The following ADCY2 variants were observed in gnomAD, a reference collection of about 807,000 sequenced individuals.
ADCY2 encodes the protein adenylate cyclase type 2.
ADCY2 carries 31 observed loss-of-function variants against 125.2 expected under a neutral mutation model. The ratio of observed to expected loss-of-function variants is 0.25; its 90% CI spans 0.19 to 0.33. The LOEUF (loss-of-function observed/expected upper bound fraction) is 0.33. ADCY2 is among the 10% of genes least tolerant of loss of function. ADCY2 has a pLI of 1.00. For missense variants in ADCY2, 904 were observed against 1,418.2 expected, an observed-to-expected ratio of 0.64 and a Z score of 5.82; for synonymous variants, 512 against 548.4, an observed-to-expected ratio of 0.93 and a Z score of 0.93.
chr5:7,747,756 C>G (rs900917142), intron 15 of ADCY2, among the ~76,000 whole-genome samples: 29 of 152,194 alleles, frequency 1.9e-4, no homozygotes, highest in Non-Finnish European at 5.9e-5. Flanking sequence ...TCCCATTTTG[C>G]GTTATTACTT....
At chr5:7,703,812 G>C (rs1007073406) in intron 7 of ADCY2, among the ~76,000 whole-genome samples, 4 of 151,808 alleles carry the variant, frequency 2.6e-5, no homozygotes, top group Non-Finnish European at 5.9e-5. Context: ...AAATTACCTT[G>C]GACAGTATGT....
intron 2 of ADCY2, among the ~76,000 whole-genome samples, chr5:7,517,636 G>A (rs140501719): frequency 1.3e-3 from 195 of 152,188 alleles, no homozygotes; most frequent in East Asian, 0.01. Flanking sequence ...TGCAATTTGC[G>A]CAATTGACCC....
chr5:7,412,879 C>T (rs1739778232), intron 1 of ADCY2, among the ~76,000 whole-genome samples: 1 of 152,180 alleles, frequency 6.6e-6, no homozygotes, highest in African/African-American at 2.4e-5. Flanking sequence ...TCCTGCCTGC[C>T]CCTACCAGGA....
intron 4 of ADCY2, among the ~76,000 whole-genome samples, chr5:7,636,016 G>A (rs571691083): frequency 5.1e-4 from 78 of 152,242 alleles, no homozygotes; most frequent in African/African-American, 1.8e-3. Context: ...TCCCTCTCAC[G>A]GGAAGCTTGT....
chr5:7,739,039 A>G (rs1261681534), intron 14 of ADCY2, among the ~76,000 whole-genome samples: 1 of 151,880 alleles, frequency 6.6e-6, no homozygotes, highest in African/African-American at 2.4e-5. Context: ...GGTCTGAGCA[A>G]CAATATCAAC....
intron 20 of ADCY2, chr5:7,801,849 A>G (rs912769245): frequency 5.4e-6 from 1 of 185,020 alleles, no homozygotes; most frequent in African/African-American, 2.3e-5. Context: ...TATAGCCATA[A>G]TGAGTTATTT....
chr5:7,646,842 G>A (rs2126678544), intron 4 of ADCY2, among the ~76,000 whole-genome samples: 1 of 152,272 alleles, frequency 6.6e-6, no homozygotes, highest in South Asian at 2.1e-4. Flanking sequence ...GCATAGGGTG[G>A]AGAATTACCG....
chr5:7,699,128 C>T (rs1253409752), intron 7 of ADCY2, among the ~76,000 whole-genome samples: 1 of 99,462 alleles, frequency 1.0e-5, no homozygotes, highest in Admixed American at 1.7e-4. Flanking sequence ...GACGGAGTCT[C>T]GCTCTGTCGC....
At chr5:7,793,994 C>A (rs1744338330) in intron 20 of ADCY2, 1 of 152,220 alleles carries the variant, frequency 6.6e-6, no homozygotes, top group African/African-American at 2.4e-5. Flanking sequence ...CGTTCCATAA[C>A]AGGCATGCCA....
chr5:7,752,399 A>G (rs558837729), intron 15 of ADCY2, among the ~76,000 whole-genome samples: 1 of 152,178 alleles, frequency 6.6e-6, no homozygotes, highest in South Asian at 2.1e-4. Flanking sequence ...TCCAAGCAAG[A>G]TTTTTAAGAT....
At chr5:7,495,224 A>C (rs1561056679) in intron 2 of ADCY2, among the ~76,000 whole-genome samples, 1 of 151,962 alleles carries the variant, frequency 6.6e-6, no homozygotes, top group Non-Finnish European at 1.5e-5. Context: ...ATCTGACTTC[A>C]CTCCTGAATA....
At chr5:7,405,591 G>A (rs1296805955) in intron 1 of ADCY2, among the ~76,000 whole-genome samples, 1 of 152,148 alleles carries the variant, frequency 6.6e-6, no homozygotes, top group East Asian at 1.9e-4. Flanking sequence ...AGAGCAAGAG[G>A]AAAGGGACAA....
At position 7,397,443 on chromosome 5, in the gene ADCY2, G is replaced by C. The variant is rs564319080; in HGVS notation, c.210+937G>C. On this transcript the variant is annotated intron_variant, in intron 1 of 24. Coordinates refer to ENST00000338316, the MANE Select transcript of ADCY2 (RefSeq NM_020546.3). The stretch of plus-strand genomic sequence containing the variant: ...TGCGAGGCATTGATTATCCACCAGT[G>C]AGTTTTTTTTTTTTTTTTTTTTTTT... 5.2e-5 allele frequency among the ~76,000 whole-genome samples: 6 copies of C among 115,420 alleles called. No individual in the cohort carries two copies. In the South Asian group the frequency reaches 1.9e-3, roughly 37 times the overall value. The allele number at this position is 115,420 out of a possible 152,430, so 75.7% of individuals were successfully genotyped here.
intron 16 of ADCY2, among the ~76,000 whole-genome samples, chr5:7,763,842 G>A (rs1743306543): frequency 6.6e-6 from 1 of 152,162 alleles, no homozygotes; most frequent in Non-Finnish European, 1.5e-5. Flanking sequence ...CGCTTGCCAT[G>A]ACTCTGTACC....
chr5:7,633,372 G>A lies in ADCY2; in HGVS notation c.720+7056G>A, dbSNP rs1971094. 7.2e-3 allele frequency among the ~76,000 whole-genome samples: 1,082 copies of A among 151,018 alleles called. 17 individuals carry two copies. The highest frequency in any genetic ancestry group is 0.025 in the African/African-American group (1,035 of 41,114). On this transcript the variant is annotated intron_variant, in intron 4 of 24. Transcript: ENST00000338316. ...AATTGCTTGAACCCGGGAGGCAGAGGTTGCAGTGAGCCAAGATCACAGCAC... is the reference window on the plus strand; with the variant it reads ...AATTGCTTGAACCCGGGAGGCAGAGATTGCAGTGAGCCAAGATCACAGCAC...
chr5:7,743,187 G>A (rs1223077604), intron 14 of ADCY2, among the ~76,000 whole-genome samples: 4 of 152,018 alleles, frequency 2.6e-5, no homozygotes, highest in Non-Finnish European at 5.9e-5. Context: ...AACAAAATAG[G>A]TTGAATCTGG....
chr5:7,716,074 C>G (rs369852012), intron 11 of ADCY2, among the ~76,000 whole-genome samples: 25 of 152,294 alleles, frequency 1.6e-4, no homozygotes, highest in African/African-American at 5.1e-4. Context: ...TGACATCATT[C>G]TCATGCAAAT....
At chr5:7,550,051 C>T in intron 3 of ADCY2, among the ~76,000 whole-genome samples, 1 of 152,054 alleles carries the variant, frequency 6.6e-6, no homozygotes, top group Non-Finnish European at 1.5e-5. Flanking sequence ...CAGATAGAAC[C>T]CTGAGGTCCT....
intron 19 of ADCY2, among the ~76,000 whole-genome samples, chr5:7,786,668 T>C (rs1006571770): frequency 5.9e-5 from 9 of 152,150 alleles, no homozygotes; most frequent in East Asian, 1.9e-4. Context: ...AGGAGTCTCT[T>C]TTGAAAAAGA....
Sources: gnomAD v4.1 joint callset for allele counts (sites outside exome capture counted in the v4.1 genomes callset) on GRCh38, gnomAD v4.1.1 for gene constraint, MANE v1.5 for transcripts, NCBI Gene and HGNC (gene_info 2026-07-23, HGNC 2026-07-21) for gene names.